CYP4B1: variants seen among roughly 807,000 people sequenced by gnomAD.
The protein encoded by CYP4B1 is cytochrome P450 family 4 subfamily B member 1.
A neutral mutation model predicts 54.0 loss-of-function variants in CYP4B1; 45 were observed. The ratio of observed to expected loss-of-function variants is 0.83; its 90% confidence interval spans 0.66 to 1.07. The LOEUF (loss-of-function observed/expected upper bound fraction) is 1.07, where lower values mean the gene tolerates loss of function less well. Among genes scored for constraint, CYP4B1 ranks in the 50% least tolerant of loss-of-function variants. The probability of loss-of-function intolerance (pLI) is 0.00; values close to 1 mark genes in which losing one functional copy is unlikely to be tolerated. For missense variants in CYP4B1, 656 were observed against 655.4 expected (o/e 1.00, Z -0.01); for synonymous variants, 248 against 247.5 (o/e 1.00, Z -0.02).
chr1:46,814,231 G>A lies in CYP4B1; in HGVS notation c.798G>A (p.Lys266=). 2 of 1,614,148 alleles carry A rather than the reference G, an allele frequency of 1.2e-6. No homozygotes were observed. The highest frequency in any genetic ancestry group is 2.2e-5 in the South Asian group (2 of 91,090). ...DHTDQVIRER[K]AALQDEKVRK... ...CAGACCAGGTCATCAGGGAGCGGAA[G>A]GCAGCCCTGCAGGATGAGAAGGTGC... The change falls in exon 7 of 12, where the codon AAG becomes AAA. Residue 266 remains lysine, a synonymous_variant. Transcript: ENST00000371923.
intron 4 of CYP4B1, 134 bp from the exon 5 acceptor site, chr1:46,813,348 C>T: frequency 9.5e-7 from 1 of 1,048,730 alleles, no homozygotes; most frequent in Non-Finnish European, 1.4e-6. Context: ...GAGGGCAGGA[C>T]AGGGACTGGG....
intron 1 of CYP4B1, among the ~76,000 whole-genome samples, chr1:46,808,394 A>G (rs1251296419): frequency 6.6e-6 from 1 of 151,920 alleles, no homozygotes; most frequent in African/African-American, 2.4e-5. Context: ...TCTGATGGCC[A>G]GTGATGATGA....
chr1:46,818,724 G>A lies in CYP4B1; in HGVS notation c.1449G>A (p.Arg483=), dbSNP rs1209293300. 2 of 1,614,154 alleles carry A rather than the reference G, an allele frequency of 1.2e-6. No homozygotes were observed. The highest frequency in any genetic ancestry group is 2.7e-5 in the African/African-American group (2 of 75,042). ...LRFEFSLDPS[R]LPIKMPQLVL... is the part of the protein sequence containing the mutation. ...TTGAGTTCTCTCTGGACCCCTCACG[G>A]CTGCCCATCAAGATGCCCCAGCTTG... Residue 483 remains arginine (R), a synonymous_variant, in exon 12 of 12, where the codon CGG becomes CGA. Transcript: ENST00000371923.
At chr1:46,816,928 G>A (rs547960765) in intron 8 of CYP4B1, 120 bp from the exon 9 acceptor site, 4 of 1,194,296 alleles carry the variant, frequency 3.3e-6, no homozygotes, top group East Asian at 2.4e-5. Flanking sequence ...TTGGAACTCT[G>A]TGCCTCTGAC....
In CYP4B1 at chr1:46,813,986, A is replaced by G. The variant is rs772826245; in HGVS notation, c.698A>G (p.His233Arg). 1 of 1,614,162 alleles carries G rather than the reference A, an allele frequency of 6.2e-7. No homozygotes were observed. ...CAGCGCCTTGTGTCCTTCCAGTACC[A>G]TAATGACTTCATCTACTGGCTCACC... ...MQQRLVSFQY[H>R]NDFIYWLTPH... The change falls in exon 6 of 12, where the codon CAT becomes CGT. Residue 233 changes from histidine to arginine, a missense_variant. Physicochemically the swap from His to Arg is conservative, Grantham distance 29. Transcript: ENST00000371923.
rs773484108 is a variant in CYP4B1 at position 46,814,354 on chromosome 1, C to G, written c.882+39C>G. ...TGCCCACCCCTACCTGAGGACTGGT[C>G]CCAGAGAGGTCTTCAACCATCCTCC... is the stretch of plus-strand genomic sequence containing the variant. On this transcript the variant is annotated intron_variant, in intron 7 of 11. Transcript: ENST00000371923. 4.0e-6 allele frequency: 6 copies of G among 1,492,166 alleles called. No individual in the cohort carries two copies. In the African/African-American group the frequency reaches 8.3e-5, roughly 21 times the overall value. 92.4% of individuals were successfully genotyped at this position (1,492,166 alleles called of 1,614,324 possible).
In CYP4B1 at chr1:46,818,479, C is replaced by T. The variant is rs1679426712; in HGVS notation, c.1356-152C>T. On this transcript the variant is annotated intron_variant, in intron 11 of 11. Transcript: ENST00000371923. ...CTGGTCTGGGACCCTCACCATGCTC[C>T]CAAGGTTTGTTTCATAAGCCCAGGT... 7.3e-6 allele frequency: 6 copies of T among 821,970 alleles called. 1 individual carries two copies. In the South Asian group the frequency reaches 1.0e-4, roughly 14 times the overall value. 50.9% of individuals were successfully genotyped at this position (821,970 alleles called of 1,614,324 possible).
Position 46,804,644 on chromosome 1 carries a change from G to A in CYP4B1, c.180+5383G>A, listed in dbSNP as rs45449791. ...ACAGAGGGAAACAGAGAGGCTGGGT[G>A]CAGGTGGGGTGGTCCTTCAGGTCTG... On this transcript the variant is annotated intron_variant, in intron 1 of 11. Transcript: ENST00000371923. Among the ~76,000 whole-genome samples, 1,228 of 152,180 alleles carry A rather than the reference G, an allele frequency of 8.1e-3. 20 individuals are homozygous for A. The highest frequency in any genetic ancestry group is 0.029 in the African/African-American group (1,190 of 41,514).
intron 1 of CYP4B1, among the ~76,000 whole-genome samples, chr1:46,801,891 G>A (rs557470616): frequency 2.6e-5 from 4 of 152,344 alleles, no homozygotes; most frequent in Non-Finnish European, 5.9e-5. Context: ...AATGATGGGA[G>A]TAGGAAGGGG....
intron 1 of CYP4B1, among the ~76,000 whole-genome samples, chr1:46,804,512 C>T (rs559933255): frequency 6.7e-6 from 1 of 150,112 alleles, no homozygotes; most frequent in Admixed American, 6.6e-5. Flanking sequence ...AGGGTGAGGT[C>T]TGTGATTTGG....
Position 46,814,133 on chromosome 1 carries a change from C to T in CYP4B1, c.775+70C>T, listed in dbSNP as rs1412655092. 5 of 1,609,536 alleles carry T rather than the reference C, an allele frequency of 3.1e-6. No individual in the cohort carries two copies. The Admixed American group carries it at 5.0e-5, about 16-fold the overall frequency. ...TCCTCCTGGCCCCTCTATGCCCCCT[C>T]CCATTATAGGACCCCAGTTCCCCTT... On this transcript the variant is annotated intron_variant, in intron 6 of 11. Transcript: ENST00000371923.
At chr1:46,812,829 C>CT (rs1679166640) in intron 4 of CYP4B1, among the ~76,000 whole-genome samples, 3 of 152,188 alleles carry the variant, frequency 2.0e-5, no homozygotes. Context: ...TGCTGAATCT[C>CT]TAAGTGTCCT....
rs45584834 is a variant in CYP4B1 at position 46,813,824 on chromosome 1, G to T, written c.621-85G>T. On this transcript the variant is annotated intron_variant, in intron 5 of 11. Coordinates refer to ENST00000371923, the MANE Select transcript of CYP4B1 (RefSeq NM_001099772.2). ...AAGAAGAGCAGGATGCTCTGTGGTT[G>T]GGGCTAGATTCCTGGAATGGAGTTT... is the stretch of plus-strand genomic sequence containing the variant. 83 of 1,529,062 alleles carry T rather than the reference G, an allele frequency of 5.4e-5. No homozygotes were observed. In the South Asian group the frequency reaches 9.7e-4, roughly 18 times the overall value. 94.7% of individuals were successfully genotyped at this position (1,529,062 alleles called of 1,614,324 possible).
chr1:46,812,798 C>T (rs566919729), intron 4 of CYP4B1, among the ~76,000 whole-genome samples, 175 bp downstream of exon 4: 13 of 152,166 alleles, frequency 8.5e-5, no homozygotes, highest in Admixed American at 2.0e-4. Flanking sequence ...TGACATGTGC[C>T]GCAGGCTGCC....
At chr1:46,814,685 C>T (rs757594558) in intron 7 of CYP4B1, 21 of 329,742 alleles carry the variant, frequency 6.4e-5, no homozygotes, top group Non-Finnish European at 8.9e-5. Context: ...GACTCTGGGT[C>T]ATTTCCGTGC....
intron 1 of CYP4B1, among the ~76,000 whole-genome samples, chr1:46,804,033 A>G (rs1678762091): frequency 6.6e-6 from 1 of 152,188 alleles, no homozygotes; most frequent in Admixed American, 6.5e-5. Context: ...GGAGAAAGGT[A>G]AACTGGAAAG....
chr1:46,817,654 A>AAATAATAACCT (rs1679390080), intron 9 of CYP4B1, among the ~76,000 whole-genome samples: 2 of 152,216 alleles, frequency 1.3e-5, no homozygotes, highest in Non-Finnish European at 2.9e-5. Context: ...ACTTCCCAAG[A>AAATAATAACCT]GTCAGTTAGC....
intron 1 of CYP4B1, among the ~76,000 whole-genome samples, chr1:46,809,388 A>G (rs550701231): frequency 6.6e-6 from 1 of 152,304 alleles, no homozygotes; most frequent in East Asian, 1.9e-4. Context: ...AGGTTTGGAC[A>G]TTTTTCCCTT....
Position 46,818,766 on chromosome 1 carries a change from T to G in CYP4B1, c.1491T>G (p.Asn497Lys). Reference sequence around the variant, plus strand: ...CCCAGCTTGTCCTGCGCTCCAAGAATGGCTTTCACCTCCACCTGAAGCCAC... The same window carrying G: ...CCCAGCTTGTCCTGCGCTCCAAGAAGGGCTTTCACCTCCACCTGAAGCCAC... ...KMPQLVLRSKNGFHLHLKPLG... is the reference protein window; with the variant it reads ...KMPQLVLRSKKGFHLHLKPLG... The change falls in exon 12 of 12, where the codon AAT becomes AAG. Residue 497 changes from asparagine to lysine, a missense_variant. Coordinates refer to ENST00000371923, the MANE Select transcript of CYP4B1 (RefSeq NM_001099772.2). 6.2e-7 allele frequency: 1 copy of G among 1,614,104 alleles called. No homozygotes were observed. The highest frequency in any genetic ancestry group is 8.5e-7 in the Non-Finnish European group (1 of 1,179,986).
Sources: gnomAD v4.1 joint callset for allele counts (sites outside exome capture counted in the v4.1 genomes callset) on GRCh38, gnomAD v4.1.1 for gene constraint, MANE v1.5 for transcripts, NCBI Gene and HGNC (gene_info 2026-07-23, HGNC 2026-07-21) for gene names.